Variants in PALLD observed in about 807,000 individuals in gnomAD.
The protein encoded by PALLD is palladin, cytoskeletal associated protein.
Under a neutral mutation model 123.5 loss-of-function variants are expected in PALLD, and 61 were observed. That is an observed-to-expected ratio of 0.49 (90% confidence interval 0.40 to 0.61). The LOEUF (loss-of-function observed/expected upper bound fraction) is 0.61. PALLD is among the 20% of genes least tolerant of loss of function. PALLD has a pLI of 0.00. For synonymous variants in PALLD, 465 were observed against 496.4 expected (o/e 0.94, Z 0.84); for missense variants, 1,273 against 1,377.0 (o/e 0.92, Z 1.20).
chr4:168,919,245 C>A (rs566681944), intron 17 of PALLD, among the ~76,000 whole-genome samples: 1 of 152,230 alleles, frequency 6.6e-6, no homozygotes, highest in South Asian at 2.1e-4. Flanking sequence ...GAAAAATCGG[C>A]CAGGCACGTG....
chr4:168,555,730 C>G (rs572160383), intron 2 of PALLD, among the ~76,000 whole-genome samples: 7 of 152,158 alleles, frequency 4.6e-5, no homozygotes, highest in Non-Finnish European at 1.0e-4. Flanking sequence ...CATTTAGAAA[C>G]AAAATGCAGT....
intron 10 of PALLD, among the ~76,000 whole-genome samples, chr4:168,729,165 A>G (rs1786898776): frequency 6.6e-6 from 1 of 152,154 alleles, no homozygotes; most frequent in East Asian, 1.9e-4. Flanking sequence ...ACAAAGGAGG[A>G]AGACACCAGC....
chr4:168,888,989 T>C (rs1753755061), intron 10 of PALLD, among the ~76,000 whole-genome samples: 1 of 152,138 alleles, frequency 6.6e-6, no homozygotes, highest in African/African-American at 2.4e-5. Context: ...AGTGACTGTT[T>C]TGTTCCCAGC....
chr4:168,791,685 A>G (rs1260198317), intron 10 of PALLD, among the ~76,000 whole-genome samples: 1 of 152,212 alleles, frequency 6.6e-6, no homozygotes, highest in African/African-American at 2.4e-5. Flanking sequence ...CAGCCAAACC[A>G]TATCAGATCC....
chr4:168,572,650 T>A (rs1158226041), intron 2 of PALLD, among the ~76,000 whole-genome samples: 1 of 151,880 alleles, frequency 6.6e-6, no homozygotes, highest in South Asian at 2.1e-4. Context: ...ATCTAGCCAC[T>A]TGCTTAAAGC....
intron 2 of PALLD, among the ~76,000 whole-genome samples, chr4:168,666,505 G>A (rs1401212040): frequency 6.6e-6 from 1 of 152,172 alleles, no homozygotes; most frequent in East Asian, 1.9e-4. Flanking sequence ...TTAATGAACA[G>A]GGTAAGGAGA....
intron 10 of PALLD, among the ~76,000 whole-genome samples, chr4:168,761,641 G>GTTTTTTTTTTTTTTTTTTTT (rs1230404942): frequency 8.6e-5 from 1 of 11,640 alleles, no homozygotes; most frequent in Non-Finnish European, 2.1e-4. Context: ...TGTTGTTGTT[G>GTTTTTTTTTTTTTTTTTTTT]TTTGTTTTTT....
chr4:168,565,088 G>A (rs1401980730), intron 2 of PALLD, among the ~76,000 whole-genome samples: 1 of 151,912 alleles, frequency 6.6e-6, no homozygotes, highest in Non-Finnish European at 1.5e-5. Flanking sequence ...AGCTACTCAG[G>A]AGGCTGAGGC....
Position 168,511,699 on chromosome 4 carries a change from G to A in PALLD, c.195G>A (p.Ser65=), listed in dbSNP as rs369178136. ...TEDFDSEKEI[S]QIFSTSPASL... is the part of the protein sequence containing the mutation. ...ATTTTGACTCGGAAAAGGAGATCTC[G>A]CAGATTTTCAGTACTTCTCCTGCAA... Residue 65 remains serine, a synonymous_variant, in exon 2 of 22, where the codon TCG becomes TCA. Coordinates refer to ENST00000505667, the MANE Select transcript of PALLD (RefSeq NM_001166108.2). 1.2e-4 allele frequency: 190 copies of A among 1,613,998 alleles called. No homozygotes were observed. Among genetic ancestry groups the A allele is most frequent in the South Asian group, 3.8e-4 (35 of 91,088 alleles).
At chr4:168,634,735 G>A (rs1332604371) in intron 2 of PALLD, among the ~76,000 whole-genome samples, 1 of 152,216 alleles carries the variant, frequency 6.6e-6, no homozygotes, top group Non-Finnish European at 1.5e-5. Flanking sequence ...TAAAAGGAAG[G>A]TTATGGGCAT....
At chr4:168,894,498 G>GT (rs767498519) in intron 11 of PALLD, 81 bp from the exon 12 acceptor site, 25 of 844,156 alleles carry the variant, frequency 3.0e-5, no homozygotes, top group Non-Finnish European at 4.4e-5. Context: ...AAAGTGTGTT[G>GT]TTTTTTACTC....
chr4:168,646,514 T>G (rs558639452), intron 2 of PALLD, among the ~76,000 whole-genome samples: 55 of 152,242 alleles, frequency 3.6e-4, no homozygotes, highest in African/African-American at 1.3e-3. Flanking sequence ...CCCTGTGACA[T>G]TCCTCTCTCC....
chr4:168,641,682 A>G (rs1469634081), intron 2 of PALLD, among the ~76,000 whole-genome samples: 2 of 152,138 alleles, frequency 1.3e-5, no homozygotes, highest in Non-Finnish European at 1.5e-5. Context: ...GAGAAAGCCT[A>G]TCTCCCTAAG....
intron 2 of PALLD, among the ~76,000 whole-genome samples, chr4:168,667,887 A>G (rs542911222): frequency 9.8e-5 from 15 of 152,340 alleles, no homozygotes; most frequent in African/African-American, 2.9e-4. Context: ...GTTATAAAGC[A>G]TTTTATAAGA....
intron 2 of PALLD, among the ~76,000 whole-genome samples, chr4:168,591,479 AAGAC>A (rs1487925488): frequency 8.5e-5 from 13 of 152,310 alleles, no homozygotes; most frequent in Middle Eastern, 3.4e-3. Context: ...GTGGGCATTA[AAGAC>A]GTAAGTGCAT....
At chr4:168,593,858 C>T (rs902676282) in intron 2 of PALLD, among the ~76,000 whole-genome samples, 1 of 152,048 alleles carries the variant, frequency 6.6e-6, no homozygotes, top group African/African-American at 2.4e-5. Flanking sequence ...AGAAAAAATA[C>T]CATTGCAATT....
chr4:168,725,804 G>A (rs1282356203), intron 10 of PALLD, among the ~76,000 whole-genome samples: 2 of 152,086 alleles, frequency 1.3e-5, no homozygotes, highest in Non-Finnish European at 2.9e-5. Flanking sequence ...GGGATTACAG[G>A]CGTGAGCCAC....
Position 168,735,457 on chromosome 4 carries a change from A to G in PALLD, c.1964+23534A>G, listed in dbSNP as rs1288194021. Among the ~76,000 whole-genome samples, 4 of 152,214 alleles carry G rather than the reference A, an allele frequency of 2.6e-5. No individual in the cohort carries two copies. The South Asian group carries it at 8.3e-4, about 32-fold the overall frequency. ...CTACTCATGTTAACCACCTATTGCC[A>G]TATAATAGAACACATTCTTATGCTC... is the stretch of plus-strand genomic sequence containing the variant. On this transcript the variant is annotated intron_variant, in intron 10 of 21. Coordinates refer to ENST00000505667, the MANE Select transcript of PALLD (RefSeq NM_001166108.2).
At chr4:168,779,991 G>A (rs1246926750) in intron 10 of PALLD, among the ~76,000 whole-genome samples, 20 of 151,570 alleles carry the variant, frequency 1.3e-4, no homozygotes, top group East Asian at 7.8e-4. Flanking sequence ...CTCCACCACC[G>A]GGGTTCAAGC....
Sources: allele counts gnomAD v4.1 joint callset (sites outside exome capture counted in the v4.1 genomes callset), GRCh38; gene constraint gnomAD v4.1.1; transcripts MANE v1.5; gene names NCBI Gene and HGNC (gene_info 2026-07-23, HGNC 2026-07-21).